The following CAMK4 variants were observed in gnomAD, a reference collection of about 807,000 sequenced individuals.
The protein encoded by CAMK4 is calcium/calmodulin dependent protein kinase IV.
A neutral mutation model predicts 44.9 loss-of-function variants in CAMK4; 22 were observed. The ratio of observed to expected loss-of-function variants is 0.49; its 90% CI spans 0.35 to 0.70. CAMK4 has a LOEUF of 0.70. Among genes scored for constraint, CAMK4 ranks in the 30% least tolerant of loss-of-function variants. CAMK4 has a pLI of 0.01. For missense variants in CAMK4, 498 were observed against 586.8 expected (o/e 0.85, Z 1.56); for synonymous variants, 218 against 215.4 (o/e 1.01, Z -0.11).
chr5:111,293,246 G>T (rs568461731), intron 1 of CAMK4, among the ~76,000 whole-genome samples: 4 of 152,144 alleles, frequency 2.6e-5, no homozygotes, highest in Non-Finnish European at 4.4e-5. Flanking sequence ...GGGGTGCCCA[G>T]AGGACTAAGA....
At chr5:111,313,037 G>A (rs1381352168) in intron 1 of CAMK4, among the ~76,000 whole-genome samples, 3 of 152,024 alleles carry the variant, frequency 2.0e-5, no homozygotes, top group Non-Finnish European at 2.9e-5. Flanking sequence ...TTCTATTCTG[G>A]GTACCCTGTG....
At chr5:111,261,643 G>T (rs1343507331) in intron 1 of CAMK4, among the ~76,000 whole-genome samples, 1 of 150,052 alleles carries the variant, frequency 6.7e-6, no homozygotes, top group Non-Finnish European at 1.5e-5. Flanking sequence ...AAAAATTTTA[G>T]TGTCACGTTT....
At chr5:111,287,989 A>G (rs1751306677) in intron 1 of CAMK4, among the ~76,000 whole-genome samples, 3 of 152,152 alleles carry the variant, frequency 2.0e-5, no homozygotes, top group Non-Finnish European at 4.4e-5. Context: ...TTTGCTTTAT[A>G]CTTTTACCAC....
At chr5:111,230,566 A>G (rs544001329) in intron 1 of CAMK4, among the ~76,000 whole-genome samples, 61 of 69,198 alleles carry the variant, frequency 8.8e-4, no homozygotes, top group Middle Eastern at 6.1e-3. Flanking sequence ...ATTTTGGGGG[A>G]AAAAAAAAAA....
chr5:111,472,265 C>T (rs1755091365), intron 7 of CAMK4, among the ~76,000 whole-genome samples: 1 of 152,162 alleles, frequency 6.6e-6, no homozygotes, highest in Admixed American at 6.5e-5. Context: ...ATCCTGTTTA[C>T]TTGCATTCCA....
intron 1 of CAMK4, among the ~76,000 whole-genome samples, chr5:111,228,554 CAG>C (rs1312570589): frequency 4.3e-5 from 5 of 115,382 alleles, no homozygotes; most frequent in Admixed American, 1.9e-4. Flanking sequence ...GTGTATAAAA[CAG>C]AAACAATTTC....
intron 1 of CAMK4, among the ~76,000 whole-genome samples, chr5:111,338,730 T>TTGC (rs1187513847): frequency 2.6e-5 from 4 of 151,486 alleles, no homozygotes; most frequent in Admixed American, 6.6e-5. Context: ...ACTTTTCCCA[T>TTGC]TGCTTGCTTT....
chr5:111,393,808 A>G (rs1301551033), intron 4 of CAMK4, among the ~76,000 whole-genome samples: 2 of 152,062 alleles, frequency 1.3e-5, no homozygotes, highest in Admixed American at 1.3e-4. Flanking sequence ...CCTGTACAAC[A>G]AAGCCCCATC....
intron 7 of CAMK4, among the ~76,000 whole-genome samples, chr5:111,456,335 C>CA (rs1161638710): frequency 2.6e-5 from 4 of 151,842 alleles, no homozygotes; most frequent in South Asian, 2.1e-4. Flanking sequence ...TCTAAAAATA[C>CA]AAAAAATTAG....
chr5:111,372,388 A>G (rs971352739), intron 2 of CAMK4, among the ~76,000 whole-genome samples: 4 of 152,166 alleles, frequency 2.6e-5, no homozygotes, highest in Non-Finnish European at 5.9e-5. Context: ...ATAGGCACAT[A>G]AATCAAGCAA....
At chr5:111,392,339 A>G (rs780569071) in intron 4 of CAMK4, among the ~76,000 whole-genome samples, 1 of 152,132 alleles carries the variant, frequency 6.6e-6, no homozygotes, top group African/African-American at 2.4e-5. Context: ...CACTTCAACT[A>G]TAAGATCTCA....
At chr5:111,459,369 G>A (rs1754553020) in intron 7 of CAMK4, among the ~76,000 whole-genome samples, 1 of 152,128 alleles carries the variant, frequency 6.6e-6, no homozygotes, top group Non-Finnish European at 1.5e-5. Context: ...CTATCTCCTT[G>A]GTTTGGGAGT....
At chr5:111,272,061 T>C (rs1750539687) in intron 1 of CAMK4, among the ~76,000 whole-genome samples, 1 of 152,044 alleles carries the variant, frequency 6.6e-6, no homozygotes, top group Admixed American at 6.6e-5. Context: ...GTTACTGGTA[T>C]GAATCATGGT....
chr5:111,286,163 G>T (rs1167513748), intron 1 of CAMK4, among the ~76,000 whole-genome samples: 1 of 152,172 alleles, frequency 6.6e-6, no homozygotes, highest in Non-Finnish European at 1.5e-5. Flanking sequence ...TAAGGGTTAA[G>T]GTTTCTAGGT....
At position 111,394,711 on chromosome 5, in the gene CAMK4, A is replaced by G. The variant is rs924346292; in HGVS notation, c.388A>G (p.Ile130Val). The G allele has an allele frequency of 6.2e-7, 1 of 1,607,486 alleles. No homozygotes were observed. The highest frequency in any genetic ancestry group is 8.5e-7 in the Non-Finnish European group (1 of 1,175,776). The stretch of plus-strand genomic sequence containing the variant: ...GCATTTCCTTTCTTTTTGTTCCAGG[A>G]TTGTGGAAAAGGGATATTACAGTGA... ...LVTGGELFDR[I>V]VEKGYYSERD... The change falls in exon 5 of 11, where the codon ATT (isoleucine) becomes GTT (valine). Residue 130 changes from isoleucine (I) to valine (V), a missense_variant and splice_region_variant. Around this residue, in one of 3 missense-constraint regions of CAMK4, gnomAD observed 203 missense variants for 298.2 expected, o/e 0.68. Coordinates refer to ENST00000282356, the MANE Select transcript of CAMK4 (RefSeq NM_001744.6).
chr5:111,263,014 T>A (rs1330009039), intron 1 of CAMK4, among the ~76,000 whole-genome samples: 1 of 152,208 alleles, frequency 6.6e-6, no homozygotes, highest in Non-Finnish European at 1.5e-5. Flanking sequence ...ACCCCCTGGC[T>A]GAGTTGTTTC....
chr5:111,239,940 T>A (rs185181765), intron 1 of CAMK4, among the ~76,000 whole-genome samples: 77 of 152,356 alleles, frequency 5.1e-4, no homozygotes, highest in African/African-American at 1.8e-3. Context: ...GGGTAGTACA[T>A]GGTGCAATAT....
intron 1 of CAMK4, among the ~76,000 whole-genome samples, chr5:111,338,375 A>G (rs1180633449): frequency 1.3e-5 from 2 of 151,056 alleles, no homozygotes; most frequent in Non-Finnish European, 3.0e-5. Flanking sequence ...ATATCTCCCT[A>G]GTGTCTCCAC....
chr5:111,415,475 T>C (rs1162325084), intron 5 of CAMK4, among the ~76,000 whole-genome samples: 5 of 152,248 alleles, frequency 3.3e-5, no homozygotes, highest in Non-Finnish European at 5.9e-5. Flanking sequence ...AAGGTGATCA[T>C]TATTGACTTA....
Sources: allele counts gnomAD v4.1 joint callset (sites outside exome capture counted in the v4.1 genomes callset), GRCh38; gene constraint gnomAD v4.1.1; regional missense constraint gnomAD v4.1.1; transcripts MANE v1.5; gene names NCBI Gene and HGNC (gene_info 2026-07-23, HGNC 2026-07-21).